The following CSMD1 variants were observed in gnomAD, a reference collection of about 807,000 sequenced individuals.
The protein encoded by CSMD1 is CUB and sushi domain-containing protein 1.
Under a neutral mutation model 417.5 loss-of-function variants are expected in CSMD1, and 213 were observed. The ratio of observed to expected loss-of-function variants is 0.51; its 90% confidence interval spans 0.46 to 0.57. The LOEUF (loss-of-function observed/expected upper bound fraction) is 0.57, where lower values mean the gene tolerates loss of function less well. Ranked by LOEUF, CSMD1 falls within the 20% of genes least tolerant of loss-of-function variation. The probability of loss-of-function intolerance (pLI) is 0.00; values close to 1 mark genes in which losing one functional copy is unlikely to be tolerated. For missense variants in CSMD1, 6,923 were observed against 4,529.7 expected (o/e 1.53, Z -15.17); for synonymous variants, 2,862 against 1,736.8 (o/e 1.65, Z -16.11).
intron 1 of CSMD1, among the ~76,000 whole-genome samples, chr8:4,784,135 T>G (rs1585092610): frequency 6.6e-6 from 1 of 152,356 alleles, no homozygotes; most frequent in African/African-American, 2.4e-5. Flanking sequence ...GTACACAGAA[T>G]AAGTCAGTTG....
intron 5 of CSMD1, among the ~76,000 whole-genome samples, chr8:3,844,326 GTCAATGACAATACT>G (rs1226683134): frequency 6.6e-6 from 1 of 152,142 alleles, no homozygotes; most frequent in African/African-American, 2.4e-5. Context: ...TCAATTTCAA[GTCAATGACAATACT>G]TCAGGAAGTC....
intron 4 of CSMD1, among the ~76,000 whole-genome samples, chr8:4,003,730 A>C (rs1025231189): frequency 2.6e-5 from 4 of 152,208 alleles, no homozygotes; most frequent in Admixed American, 6.5e-5. Flanking sequence ...ATTTACCAAC[A>C]CAGGCGAGTG....
At chr8:2,963,169 C>A (rs762007450) in intron 60 of CSMD1, 53 bp downstream of exon 60, 2 of 1,584,392 alleles carry the variant, frequency 1.3e-6, no homozygotes, top group Admixed American at 1.7e-5. Context: ...CCTGGTTATC[C>A]GTCCCTGTTG....
rs118170405 is a variant in CSMD1 at position 4,122,615 on chromosome 8, G to A, written c.416-90516C>T. ...AAAATTAGGGCTCTTCTGCAGAGAT[G>A]GAGGTGATAAGCCTCCAATCGCCAA... On this transcript the variant is annotated intron_variant, in intron 3 of 69. Transcript: ENST00000635120. 2.0e-3 allele frequency among the ~76,000 whole-genome samples: 300 copies of A among 152,278 alleles called. 2 individuals carry two copies. The highest frequency in any genetic ancestry group is 4.8e-3 in the South Asian group (23 of 4,826).
intron 3 of CSMD1, among the ~76,000 whole-genome samples, chr8:4,114,917 G>C (rs757211127): frequency 2.0e-5 from 3 of 152,134 alleles, no homozygotes; most frequent in African/African-American, 7.2e-5. Flanking sequence ...TAGGAAAATA[G>C]TATGCTGAGA....
chr8:3,619,250 C>G (rs559307109), intron 7 of CSMD1, among the ~76,000 whole-genome samples: 72 of 152,262 alleles, frequency 4.7e-4, no homozygotes, highest in African/African-American at 1.7e-3. Context: ...ATGTACCCCC[C>G]AAAAACGTGA....
At chr8:3,244,210 T>C (rs1365770225) in intron 26 of CSMD1, among the ~76,000 whole-genome samples, 3 of 152,208 alleles carry the variant, frequency 2.0e-5, no homozygotes, top group Non-Finnish European at 4.4e-5. Flanking sequence ...GCAGAGATGC[T>C]ATTGCGAGGC....
chr8:4,498,847 G>C (rs1046825245), intron 2 of CSMD1, among the ~76,000 whole-genome samples: 1 of 152,006 alleles, frequency 6.6e-6, no homozygotes, highest in Non-Finnish European at 1.5e-5. Flanking sequence ...ATTGTCTTTG[G>C]TTTCTATGCT....
intron 10 of CSMD1, among the ~76,000 whole-genome samples, chr8:3,563,345 A>C (rs143302964): frequency 2.6e-5 from 4 of 151,732 alleles, no homozygotes; most frequent in African/African-American, 4.8e-5. Context: ...GTTGTTACTC[A>C]TATCATTACT....
At chr8:3,808,622 T>C (rs141923274) in intron 5 of CSMD1, among the ~76,000 whole-genome samples, 52 of 152,336 alleles carry the variant, frequency 3.4e-4, no homozygotes, top group African/African-American at 1.0e-3. Context: ...TCAAATACTA[T>C]TGCATCAGAG....
chr8:3,294,962 G>A (rs1409741221), intron 25 of CSMD1, among the ~76,000 whole-genome samples: 1 of 151,938 alleles, frequency 6.6e-6, no homozygotes, highest in Non-Finnish European at 1.5e-5. Context: ...GGCCATCTTG[G>A]CTCCACCCAT....
chr8:4,095,029 T>C (rs748584147), intron 3 of CSMD1, among the ~76,000 whole-genome samples: 12 of 152,166 alleles, frequency 7.9e-5, no homozygotes, highest in Admixed American at 1.3e-4. Flanking sequence ...AACAAAGATC[T>C]TGAGAAAGTC....
chr8:3,998,620 G>C (rs749301217), intron 4 of CSMD1, among the ~76,000 whole-genome samples: 1 of 151,962 alleles, frequency 6.6e-6, no homozygotes, highest in Non-Finnish European at 1.5e-5. Context: ...ACATAAAAGA[G>C]GCACATCACC....
chr8:4,069,987 C>T (rs187979278), intron 3 of CSMD1, among the ~76,000 whole-genome samples: 1 of 151,934 alleles, frequency 6.6e-6, no homozygotes, highest in African/African-American at 2.4e-5. Context: ...TTCTTTCCTG[C>T]CTTCCTTTAG....
At chr8:3,499,128 G>T (rs1796487598) in intron 10 of CSMD1, among the ~76,000 whole-genome samples, 1 of 152,148 alleles carries the variant, frequency 6.6e-6, no homozygotes. Flanking sequence ...CCTAATATTA[G>T]AATGTAGTTT....
intron 1 of CSMD1, among the ~76,000 whole-genome samples, chr8:4,652,383 G>GT (rs56309291): frequency 0.63 from 95,136 of 151,736 alleles, 29,994 homozygotes; most frequent in Admixed American, 0.71. Context: ...CTTCCATTCT[G>GT]TTTTTTTGTC....
chr8:4,614,829 A>AT (rs1004415357), intron 2 of CSMD1, among the ~76,000 whole-genome samples: 2 of 152,136 alleles, frequency 1.3e-5, no homozygotes, highest in Non-Finnish European at 2.9e-5. Flanking sequence ...ATCAGACATT[A>AT]TTTTTTTAAA....
At chr8:4,302,825 C>A (rs1447575633) in intron 3 of CSMD1, among the ~76,000 whole-genome samples, 1 of 152,112 alleles carries the variant, frequency 6.6e-6, no homozygotes, top group Non-Finnish European at 1.5e-5. Flanking sequence ...TCACAGGGTC[C>A]TAGTGACCCT....
chr8:4,545,079 A>T (rs1797571873), intron 2 of CSMD1, among the ~76,000 whole-genome samples: 1 of 152,228 alleles, frequency 6.6e-6, no homozygotes, highest in Admixed American at 6.5e-5. Flanking sequence ...TGTGTGTATG[A>T]TGTATATAAA....
Sources: gnomAD v4.1 joint callset for allele counts (sites outside exome capture counted in the v4.1 genomes callset) on GRCh38, gnomAD v4.1.1 for gene constraint, MANE v1.5 for transcripts, NCBI Gene and HGNC (gene_info 2026-07-23, HGNC 2026-07-21) for gene names.